CRTC1: variants seen among roughly 807,000 people sequenced by gnomAD.
CRTC1 encodes the protein CREB-regulated transcription coactivator 1.
A neutral mutation model predicts 66.1 loss-of-function variants in CRTC1; 18 were observed. The observed-to-expected ratio is 0.27, with a 90% CI of 0.19 to 0.40. CRTC1 has a LOEUF of 0.40. Among genes scored for constraint, CRTC1 ranks in the 10% least tolerant of loss-of-function variants. CRTC1 has a pLI of 1.00. For missense variants in CRTC1, 669 were observed against 887.9 expected (o/e 0.75, Z 3.13); for synonymous variants, 416 against 398.8 (o/e 1.04, Z -0.51).
intron 1 of CRTC1, among the ~76,000 whole-genome samples, chr19:18,731,820 G>A (rs1040908723): frequency 5.9e-5 from 9 of 152,204 alleles, no homozygotes; most frequent in African/African-American, 1.9e-4. Context: ...CGGGGGGTGG[G>A]GGGAAGGCAC....
rs148260351 is a variant in CRTC1, at chr19:18,774,146, G to A, written c.1426-754G>A. On this transcript the variant is annotated intron_variant, in intron 11 of 13. Coordinates refer to ENST00000321949, the MANE Select transcript of CRTC1 (RefSeq NM_015321.3). ...AGGTCACACTGCAGCTGGGGTTCCC[G>A]AGGCCTCGTCCACGGCCACCCCCTC... Among the ~76,000 whole-genome samples the A allele has an allele frequency of 2.6e-3, 397 of 152,232 alleles. 2 individuals carry two copies. Among genetic ancestry groups the A allele is most frequent in the African/African-American group, 8.9e-3 (371 of 41,546 alleles).
At chr19:18,723,586 C>A in intron 1 of CRTC1, among the ~76,000 whole-genome samples, 1 of 152,222 alleles carries the variant, frequency 6.6e-6, no homozygotes, top group East Asian at 1.9e-4. Context: ...CCGGGGACCC[C>A]AGGTCCAGTA....
intron 3 of CRTC1, among the ~76,000 whole-genome samples, chr19:18,746,751 C>A (rs2054247439): frequency 6.6e-6 from 1 of 152,148 alleles, no homozygotes; most frequent in African/African-American, 2.4e-5. Context: ...CCCCACAGGC[C>A]CTACTTTCAC....
At chr19:18,770,566 GGT>G (rs985271004) in intron 10 of CRTC1, among the ~76,000 whole-genome samples, 8 of 152,140 alleles carry the variant, frequency 5.3e-5, no homozygotes, top group Non-Finnish European at 8.8e-5. Flanking sequence ...TGCCCATGGC[GGT>G]GTGTGTGTGT....
chr19:18,698,987 G>A (rs1409566408), intron 1 of CRTC1, among the ~76,000 whole-genome samples: 2 of 152,156 alleles, frequency 1.3e-5, no homozygotes, highest in Non-Finnish European at 2.9e-5. Flanking sequence ...CAGGCGTACC[G>A]TGTGTGCTCT....
At chr19:18,758,525 GA>G (rs2054544033) in intron 6 of CRTC1, among the ~76,000 whole-genome samples, 1 of 152,074 alleles carries the variant, frequency 6.6e-6, no homozygotes, top group Non-Finnish European at 1.5e-5. Context: ...CAGCCAAGCA[GA>G]AAAACCAGTG....
intron 1 of CRTC1, among the ~76,000 whole-genome samples, chr19:18,710,335 G>A (rs945904491): frequency 3.9e-5 from 6 of 152,158 alleles, no homozygotes; most frequent in South Asian, 4.1e-4. Context: ...CCCGTTCCTC[G>A]ACGTCCCTCC....
intron 3 of CRTC1, among the ~76,000 whole-genome samples, chr19:18,746,375 G>A (rs950306577): frequency 1.3e-5 from 2 of 152,126 alleles, no homozygotes; most frequent in African/African-American, 4.8e-5. Flanking sequence ...TGGGGCTAAG[G>A]GGGTCTGTGT....
chr19:18,730,847 T>C (rs931950838), intron 1 of CRTC1, among the ~76,000 whole-genome samples: 2 of 152,156 alleles, frequency 1.3e-5, no homozygotes, highest in Non-Finnish European at 2.9e-5. Flanking sequence ...TGTCTCCTCC[T>C]GGTGTGCCCC....
At chr19:18,704,068 T>C (rs2053206589) in intron 1 of CRTC1, among the ~76,000 whole-genome samples, 3 of 152,248 alleles carry the variant, frequency 2.0e-5, no homozygotes, top group Non-Finnish European at 4.4e-5. Context: ...GGACTGAGGT[T>C]GTGGGATTTT....
intron 1 of CRTC1, among the ~76,000 whole-genome samples, chr19:18,731,810 CG>C (rs552580151): frequency 3.3e-5 from 5 of 152,190 alleles, no homozygotes; most frequent in Admixed American, 2.6e-4. Flanking sequence ...CTGGCTGCCC[CG>C]GGGGGTGGGG....
intron 6 of CRTC1, among the ~76,000 whole-genome samples, chr19:18,756,354 A>AAAC (rs1662318531): frequency 6.6e-6 from 1 of 150,670 alleles, no homozygotes; most frequent in African/African-American, 2.4e-5. Flanking sequence ...AAAAAAAAAA[A>AAAC]ACTCTAGGCT....
At chr19:18,734,565 TC>T (rs1010548944) in intron 1 of CRTC1, among the ~76,000 whole-genome samples, 4 of 150,680 alleles carry the variant, frequency 2.7e-5, no homozygotes, top group Admixed American at 2.6e-4. Flanking sequence ...ACACCACTAC[TC>T]CCAGCTACTT....
At position 18,771,702 on chromosome 19, in the gene CRTC1, C is replaced by G. The variant is rs1262999881; in HGVS notation, c.1425+156C>G. Among the ~76,000 whole-genome samples, 1 of 152,182 alleles carries G rather than the reference C, an allele frequency of 6.6e-6. No individual in the cohort carries two copies. Among genetic ancestry groups the G allele is most frequent in the Non-Finnish European group, 1.5e-5 (1 of 68,012 alleles). On this transcript the variant is annotated intron_variant, in intron 11 of 13. Transcript: ENST00000321949. The surrounding 1 kb of genome is among the most constrained non-coding windows in gnomAD (Gnocchi z 4.6). ...CACGCCATCGGACCTGAGCTGTGCA[C>G]CTACCAGGCTGCACCAGGGCAGGAA...
chr19:18,731,122 G>A (rs561556734), intron 1 of CRTC1, among the ~76,000 whole-genome samples: 2 of 152,342 alleles, frequency 1.3e-5, no homozygotes, highest in South Asian at 2.1e-4. Flanking sequence ...GACTACAGGT[G>A]TGTGCCAATG....
At chr19:18,732,596 G>A (rs1205593349) in intron 1 of CRTC1, among the ~76,000 whole-genome samples, 1 of 152,158 alleles carries the variant, frequency 6.6e-6, no homozygotes, top group Non-Finnish European at 1.5e-5. Flanking sequence ...AGGGCTTCCT[G>A]GGGAGGTAGT....
Position 18,755,593 on chromosome 19 carries a change from C to CTTTT in CRTC1, c.624+2030_624+2033dup, listed in dbSNP as rs58121199. 3.3e-4 allele frequency among the ~76,000 whole-genome samples: 36 copies of CTTTT among 107,496 alleles called. 1 individual carries two copies. The highest frequency in any genetic ancestry group is 6.9e-4 in the African/African-American group (19 of 27,518). 70.5% of individuals were successfully genotyped at this position (107,496 alleles called of 152,430 possible). On this transcript the variant is annotated intron_variant, in intron 6 of 13. Coordinates refer to ENST00000321949, the MANE Select transcript of CRTC1 (RefSeq NM_015321.3). Reference sequence around the variant, plus strand: ...TATAGGAGCGTGCCACCAAACCTGGCTTTTTTTTTTTTTTTTTTTTTTTTT... The same window carrying CTTTT: ...TATAGGAGCGTGCCACCAAACCTGGCTTTTTTTTTTTTTTTTTTTTTTTTTTTTT...
intron 1 of CRTC1, among the ~76,000 whole-genome samples, chr19:18,737,323 G>A (rs929266703): frequency 2.0e-5 from 3 of 152,022 alleles, no homozygotes; most frequent in African/African-American, 4.8e-5. Flanking sequence ...GGGTCCCTGC[G>A]GTCAGCTTGG....
At chr19:18,758,868 G>C (rs1462555062) in intron 6 of CRTC1, among the ~76,000 whole-genome samples, 1 of 152,164 alleles carries the variant, frequency 6.6e-6, no homozygotes, top group East Asian at 1.9e-4. Context: ...CCTGCCCCCG[G>C]AACCCCTGCC....
Sources: allele counts gnomAD v4.1 joint callset (sites outside exome capture counted in the v4.1 genomes callset), GRCh38; gene constraint gnomAD v4.1.1; non-coding constraint Gnocchi (gnomAD v3.1); transcripts MANE v1.5; gene names NCBI Gene and HGNC (gene_info 2026-07-23, HGNC 2026-07-21).